The following MAST4 variants were observed in gnomAD, a reference collection of about 807,000 sequenced individuals.
MAST4 encodes microtubule associated serine/threonine kinase family member 4, also known as microtubule-associated serine/threonine-protein kinase 4.
Under a neutral mutation model 162.7 loss-of-function variants are expected in MAST4, and 89 were observed. The observed-to-expected ratio is 0.55, with a 90% CI of 0.46 to 0.65. The LOEUF is 0.65. Ranked by LOEUF, MAST4 falls within the 30% of genes least tolerant of loss-of-function variation. The pLI, the probability that MAST4 is intolerant of heterozygous loss-of-function variation, is 0.00. For synonymous variants in MAST4, 1,479 were observed against 1,361.1 expected (o/e 1.09, Z -1.91); for missense variants, 3,153 against 3,374.0 (o/e 0.93, Z 1.62).
At chr5:66,780,814 C>A (rs1296592335) in intron 2 of MAST4, among the ~76,000 whole-genome samples, 1 of 152,202 alleles carries the variant, frequency 6.6e-6, no homozygotes, top group Non-Finnish European at 1.5e-5. Flanking sequence ...CTGATTGATG[C>A]ATTTTTACAG....
intron 6 of MAST4, 50 bp from the exon 7 acceptor site, chr5:67,095,547 A>G: frequency 7.0e-7 from 1 of 1,427,114 alleles, no homozygotes; most frequent in South Asian, 1.3e-5. Context: ...TGGGGTTCCC[A>G]TGTGACAGTA....
chr5:66,627,583 A>T (rs1228189522), intron 1 of MAST4, among the ~76,000 whole-genome samples: 1 of 152,184 alleles, frequency 6.6e-6, no homozygotes. Flanking sequence ...GGCTGCAAAT[A>T]ATTAAACTCA....
intron 3 of MAST4, among the ~76,000 whole-genome samples, chr5:66,817,715 T>A (rs1437149680): frequency 2.0e-5 from 3 of 152,222 alleles, no homozygotes; most frequent in Non-Finnish European, 4.4e-5. Context: ...TAATTGTGAA[T>A]GTTTGATTCT....
chr5:66,794,180 A>C (rs989200995), intron 3 of MAST4, among the ~76,000 whole-genome samples: 3 of 152,206 alleles, frequency 2.0e-5, no homozygotes, highest in Non-Finnish European at 4.4e-5. Context: ...AGTTATGGAA[A>C]CCTTATTCAG....
chr5:67,002,613 C>A (rs1484641205), intron 4 of MAST4, among the ~76,000 whole-genome samples: 1 of 152,188 alleles, frequency 6.6e-6, no homozygotes, highest in African/African-American at 2.4e-5. Flanking sequence ...ATTCTCTTAG[C>A]TTCTGTATAC....
At chr5:66,730,384 A>G (rs1239111847) in intron 1 of MAST4, among the ~76,000 whole-genome samples, 1 of 151,674 alleles carries the variant, frequency 6.6e-6, no homozygotes, top group African/African-American at 2.4e-5. Context: ...ATTCCCCCCA[A>G]CCCCCTCTAC....
chr5:66,959,319 T>G (rs1745712549), intron 4 of MAST4: 1 of 779,540 alleles, frequency 1.3e-6, no homozygotes, highest in African/African-American at 1.7e-5. Context: ...TCTTTAATAT[T>G]TTAATGCTTT....
At position 67,113,313 on chromosome 5, in the gene MAST4, CAAAAAAAAAAAA is replaced by C. The variant is rs34018550; in HGVS notation, c.1459-760_1459-749del. Among the ~76,000 whole-genome samples, 5 of 67,382 alleles carry C rather than the reference CAAAAAAAAAAAA, an allele frequency of 7.4e-5. No individual in the cohort carries two copies. The East Asian group carries it at 1.6e-3, about 21-fold the overall frequency. 44.2% of individuals were successfully genotyped at this position (67,382 alleles called of 152,430 possible). ...TGGGCGACAGAGCGAGACTCCGTCT[CAAAAAAAAAAAA>C]AAAAAAAAAAAAAGGATGAAGACCA... is the stretch of plus-strand genomic sequence containing the variant. On this transcript the variant is annotated intron_variant, in intron 11 of 28. Transcript: ENST00000403625.
intron 4 of MAST4, among the ~76,000 whole-genome samples, chr5:66,908,784 C>T (rs1205315149): frequency 6.6e-6 from 1 of 152,120 alleles, no homozygotes; most frequent in Non-Finnish European, 1.5e-5. Context: ...CACTGAGTAG[C>T]ATTTTGGAGC....
chr5:66,963,710 C>T (rs754212889), intron 4 of MAST4: 6 of 779,774 alleles, frequency 7.7e-6, no homozygotes, highest in South Asian at 1.3e-5. Flanking sequence ...CTTTCAGTCT[C>T]ACTCCCAGGA....
At chr5:66,725,706 A>G (rs1751475352) in intron 1 of MAST4, among the ~76,000 whole-genome samples, 1 of 152,082 alleles carries the variant, frequency 6.6e-6, no homozygotes, top group African/African-American at 2.4e-5. Context: ...TTCTGTGTCT[A>G]TTGAATGAGA....
chr5:67,004,900 T>A (rs1751786596), intron 4 of MAST4: 1 of 686,762 alleles, frequency 1.5e-6, no homozygotes, highest in South Asian at 1.6e-5. Context: ...GGGATTTTTT[T>A]TTTATTTTTG....
chr5:66,650,116 A>G (rs1369002582), intron 1 of MAST4, among the ~76,000 whole-genome samples: 1 of 152,176 alleles, frequency 6.6e-6, no homozygotes, highest in Non-Finnish European at 1.5e-5. Flanking sequence ...CAGCCTATTC[A>G]ATAAACATTT....
At chr5:67,122,820 T>A (rs113527493) in intron 14 of MAST4, among the ~76,000 whole-genome samples, 2,362 of 152,274 alleles carry the variant, frequency 0.016, 68 homozygotes, top group African/African-American at 0.054. Context: ...TATCACACTT[T>A]GGGGAATAGT....
chr5:66,849,949 C>A (rs1759183244), intron 3 of MAST4, among the ~76,000 whole-genome samples: 1 of 152,102 alleles, frequency 6.6e-6, no homozygotes, highest in South Asian at 2.1e-4. Flanking sequence ...GGGTCCTTGG[C>A]AAAAGCATAT....
chr5:66,921,702 T>G (rs926085658), intron 4 of MAST4, among the ~76,000 whole-genome samples: 1 of 152,194 alleles, frequency 6.6e-6, no homozygotes. Context: ...AAGGTTGCGG[T>G]GATCCTAGAT....
chr5:66,658,492 A>G (rs1580124344), intron 1 of MAST4, among the ~76,000 whole-genome samples: 2 of 152,350 alleles, frequency 1.3e-5, no homozygotes, highest in East Asian at 3.9e-4. Flanking sequence ...CAAGGCAACA[A>G]TTAGCATATA....
intron 4 of MAST4, among the ~76,000 whole-genome samples, chr5:67,028,394 A>G (rs910751015): frequency 2.0e-5 from 3 of 152,150 alleles, no homozygotes; most frequent in Non-Finnish European, 2.9e-5. Context: ...TTTGTACAGG[A>G]CAATAAGATC....
At chr5:67,101,452 G>A (rs1765018128) in intron 8 of MAST4, among the ~76,000 whole-genome samples, 1 of 152,176 alleles carries the variant, frequency 6.6e-6, no homozygotes, top group Non-Finnish European at 1.5e-5. Context: ...GCAGCTGAAG[G>A]TTTCTGTGGA....
Sources: gnomAD v4.1 joint callset for allele counts (sites outside exome capture counted in the v4.1 genomes callset) on GRCh38, gnomAD v4.1.1 for gene constraint, MANE v1.5 for transcripts, NCBI Gene and HGNC (gene_info 2026-07-23, HGNC 2026-07-21) for gene names.